Variants in CPSF3 observed in about 807,000 individuals in gnomAD.
CPSF3 encodes cleavage and polyadenylation specificity factor subunit 3.
In CPSF3, 57 loss-of-function variants were observed where a neutral mutation model predicts 84.1. The observed-to-expected ratio is 0.68, with a 90% CI of 0.55 to 0.85. CPSF3 has a LOEUF of 0.85. CPSF3 is among the 40% of genes least tolerant of loss of function. CPSF3 has a pLI of 0.00. For missense variants in CPSF3, 522 were observed against 838.8 expected (o/e 0.62, Z 4.66); for synonymous variants, 275 against 278.1 (o/e 0.99, Z 0.11).
intron 4 of CPSF3, among the ~76,000 whole-genome samples, chr2:9,431,533 T>A (rs1298710056): frequency 7.9e-5 from 8 of 101,524 alleles, no homozygotes; most frequent in Non-Finnish European, 1.3e-4. Context: ...ATACATATTT[T>A]TTTTTTCTTT....
At chr2:9,452,554 C>T (rs1229986931) in intron 11 of CPSF3, among the ~76,000 whole-genome samples, 1 of 152,152 alleles carries the variant, frequency 6.6e-6, no homozygotes, top group Non-Finnish European at 1.5e-5. Flanking sequence ...TATGAGTTTG[C>T]AGCCAGCCTG....
chr2:9,459,503 C>T lies in CPSF3; in HGVS notation c.1699-28C>T, dbSNP rs969024981. 2.6e-6 allele frequency: 4 copies of T among 1,539,032 alleles called. No homozygotes were observed. The African/African-American group carries it at 4.1e-5, about 16-fold the overall frequency. ...GTGGTTGGTCACCCTAGGTAGGTCA[C>T]TTCCTAATTCTGCCTTTTGCTTTCC... On this transcript the variant is annotated intron_variant, in intron 14 of 17. Coordinates refer to ENST00000238112, the MANE Select transcript of CPSF3 (RefSeq NM_016207.4).
intron 7 of CPSF3, among the ~76,000 whole-genome samples, chr2:9,440,147 C>G (rs1680922847): frequency 6.6e-6 from 1 of 151,948 alleles, no homozygotes; most frequent in Admixed American, 6.6e-5. Context: ...GTACACTTTT[C>G]TAATACATTT....
intron 1 of CPSF3, chr2:9,424,036 A>G: frequency 7.8e-7 from 1 of 1,283,316 alleles, no homozygotes; most frequent in South Asian, 2.3e-5. Context: ...TTGCTTTTTC[A>G]TCAGTTTCAG....
At chr2:9,466,360 ACACGCACACACC>A (rs1223601751) in intron 15 of CPSF3, among the ~76,000 whole-genome samples, 78 of 145,704 alleles carry the variant, frequency 5.4e-4, no homozygotes, top group African/African-American at 2.0e-3. Flanking sequence ...GCGCACACAC[ACACGCACACACC>A]CACGCACTCG....
At chr2:9,453,298 G>T (rs1166421492) in intron 12 of CPSF3, among the ~76,000 whole-genome samples, 1 of 152,060 alleles carries the variant, frequency 6.6e-6, no homozygotes, top group African/African-American at 2.4e-5. Flanking sequence ...CAGACTTGTG[G>T]GCTTTTATTT....
intron 16 of CPSF3, 110 bp from the exon 17 acceptor site, chr2:9,471,233 G>T: frequency 1.5e-6 from 1 of 653,766 alleles, no homozygotes; most frequent in Non-Finnish European, 2.7e-6. Flanking sequence ...AAGAAAAAAA[G>T]TAAATACAGT....
chr2:9,439,472 C>A (rs1013965327), intron 7 of CPSF3, among the ~76,000 whole-genome samples: 986 of 103,470 alleles, frequency 9.5e-3, no homozygotes, highest in East Asian at 0.024. Flanking sequence ...GACTCCATCT[C>A]AAAAAAAAAA....
Position 9,430,019 on chromosome 2 carries a change from C to A in CPSF3, c.211C>A (p.His71Asn). 6.6e-7 allele frequency: 1 copy of A among 1,522,520 alleles called. No homozygotes were observed. The highest frequency in any genetic ancestry group is 8.9e-7 in the Non-Finnish European group (1 of 1,125,654). The allele number at this position is 1,522,520 out of a possible 1,614,324, so 94.3% of individuals were successfully genotyped here. ...PAEIDLLLISHFHLDHCGALP... is the reference protein window; with the variant it reads ...PAEIDLLLISNFHLDHCGALP... ...TGAGATTGATCTCCTATTAATTAGT[C>A]AGTAAGTTTTTCCCTTTATTAATGA... Residue 71 changes from histidine to asparagine, a missense_variant and splice_region_variant, in exon 3 of 18, where the codon CAT (histidine) becomes AAT (asparagine). Around this residue, in one of 2 missense-constraint regions of CPSF3, gnomAD observed 329 missense variants for 607.2 expected, o/e 0.54. Transcript: ENST00000238112.
At chr2:9,430,324 A>G (rs1680540341) in intron 3 of CPSF3, among the ~76,000 whole-genome samples, 1 of 152,236 alleles carries the variant, frequency 6.6e-6, no homozygotes. Context: ...CCTTGAGGTC[A>G]CTGTTTTATC....
chr2:9,456,853 C>A (rs1335158852), intron 13 of CPSF3, 80 bp from the exon 14 acceptor site: 3 of 786,776 alleles, frequency 3.8e-6, no homozygotes, highest in Admixed American at 6.0e-5. Flanking sequence ...TTTATTTTAG[C>A]TGTCTCTATA....
chr2:9,472,913 CAG>C lies in CPSF3; in HGVS notation c.1954-1_1954del, dbSNP rs746317615. 5 of 1,595,930 alleles carry C rather than the reference CAG, an allele frequency of 3.1e-6. No homozygotes were observed. Among genetic ancestry groups the C allele is most frequent in the Non-Finnish European group, 4.3e-6 (5 of 1,163,894 alleles). ...AACAGTCTTGTTTGTGCCTCACTTT[CAG>C]ACTGTAGAATGTGAAGAGGGAAGTG... On this transcript the variant is annotated splice_acceptor_variant, in intron 17 of 17. Transcript: ENST00000238112. LOFTEE classifies it high-confidence loss of function.
intron 12 of CPSF3, among the ~76,000 whole-genome samples, chr2:9,455,314 G>T (rs1411793593): frequency 6.6e-6 from 1 of 151,818 alleles, no homozygotes; most frequent in Non-Finnish European, 1.5e-5. Context: ...TTTTGTATTT[G>T]TAGTAGAGAC....
chr2:9,454,505 G>C (rs1335190660), intron 12 of CPSF3, among the ~76,000 whole-genome samples: 1 of 149,344 alleles, frequency 6.7e-6, no homozygotes, highest in Non-Finnish European at 1.5e-5. Context: ...TGTCTGACTT[G>C]TGCCTTCATT....
intron 1 of CPSF3, among the ~76,000 whole-genome samples, chr2:9,428,349 C>G (rs549369603): frequency 6.6e-6 from 1 of 152,292 alleles, no homozygotes; most frequent in African/African-American, 2.4e-5. Context: ...AAGAAGATGA[C>G]AGTGTTGAAA....
At chr2:9,428,327 A>G (rs1026975663) in intron 1 of CPSF3, among the ~76,000 whole-genome samples, 1 of 152,148 alleles carries the variant, frequency 6.6e-6, no homozygotes, top group Admixed American at 6.5e-5. Context: ...GCAAATACAC[A>G]TTATGATCTT....
At chr2:9,468,992 G>C (rs1387928964) in intron 16 of CPSF3, among the ~76,000 whole-genome samples, 1 of 152,132 alleles carries the variant, frequency 6.6e-6, no homozygotes, top group East Asian at 1.9e-4. Context: ...TTTGTTTATA[G>C]AAGTTGTCAT....
intron 15 of CPSF3, among the ~76,000 whole-genome samples, chr2:9,462,139 C>G (rs1026530115): frequency 6.6e-6 from 1 of 152,070 alleles, no homozygotes; most frequent in Non-Finnish European, 1.5e-5. Context: ...GGGTTAGGTG[C>G]GGAGAGCAGA....
intron 15 of CPSF3, among the ~76,000 whole-genome samples, chr2:9,461,589 G>A (rs1681725680): frequency 6.6e-6 from 1 of 151,748 alleles, no homozygotes; most frequent in Admixed American, 6.6e-5. Flanking sequence ...AAAATTGCTT[G>A]AAACCGGGGG....
Sources: gnomAD v4.1 joint callset for allele counts (sites outside exome capture counted in the v4.1 genomes callset) on GRCh38, gnomAD v4.1.1 for gene constraint, gnomAD v4.1.1 regional missense constraint, MANE v1.5 for transcripts, NCBI Gene and HGNC (gene_info 2026-07-23, HGNC 2026-07-21) for gene names.